The following SIDT1 variants were observed in gnomAD, a reference collection of about 807,000 sequenced individuals.
SIDT1 encodes the protein SID1 transmembrane family, member 1.
Under a neutral mutation model 107.5 loss-of-function variants are expected in SIDT1, and 101 were observed. The ratio of observed to expected loss-of-function variants is 0.94; its 90% CI spans 0.80 to 1.11. The LOEUF is 1.11. SIDT1 is among the 50% of genes least tolerant of loss of function. SIDT1 has a pLI of 0.00. For synonymous variants in SIDT1, 395 were observed against 398.2 expected, an observed-to-expected ratio of 0.99 and a Z score of 0.10; for missense variants, 1,076 against 1,058.2, an observed-to-expected ratio of 1.02 and a Z score of -0.23.
In SIDT1 at chr3:113,627,081, G is replaced by A. The variant is rs185649405; in HGVS notation, c.2422-565G>A. 4.6e-3 allele frequency among the ~76,000 whole-genome samples: 699 copies of A among 152,288 alleles called. 3 individuals are homozygous for A. Among genetic ancestry groups the A allele is most frequent in the African/African-American group, 0.014 (584 of 41,546 alleles). ...GCAAAAGTGGAACTAAAGATTCCAC[G>A]TGGGGCAGTAGTAGTCAAATGAACT... is the stretch of plus-strand genomic sequence containing the variant. On this transcript the variant is annotated intron_variant, in intron 24 of 24. Transcript: ENST00000264852.
intron 9 of SIDT1, among the ~76,000 whole-genome samples, chr3:113,587,253 G>A (rs1279788683): frequency 6.6e-6 from 1 of 152,074 alleles, no homozygotes; most frequent in East Asian, 1.9e-4. Flanking sequence ...AGGTGAGAAT[G>A]ATAAAAGCAA....
At chr3:113,543,319 A>C (rs1939162255) in intron 1 of SIDT1, among the ~76,000 whole-genome samples, 1 of 152,022 alleles carries the variant, frequency 6.6e-6, no homozygotes, top group Middle Eastern at 3.2e-3. Flanking sequence ...CCTTACACTT[A>C]CCCAAAAATT....
intron 1 of SIDT1, among the ~76,000 whole-genome samples, chr3:113,545,821 C>T (rs1019401845): frequency 6.6e-6 from 1 of 152,134 alleles, no homozygotes; most frequent in African/African-American, 2.4e-5. Flanking sequence ...CTCCTGAGTG[C>T]CTGATTTTAG....
At chr3:113,574,174 A>G (rs1942711143) in intron 3 of SIDT1, among the ~76,000 whole-genome samples, 2 of 152,192 alleles carry the variant, frequency 1.3e-5, no homozygotes, top group Non-Finnish European at 2.9e-5. Flanking sequence ...TTCATAGGAG[A>G]GTTGGATATT....
chr3:113,556,821 C>CTTTTTTTTT lies in SIDT1; in HGVS notation c.223-9591_223-9583dup, dbSNP rs61672960. 4.8e-3 allele frequency among the ~76,000 whole-genome samples: 519 copies of CTTTTTTTTT among 107,584 alleles called. 36 individuals carry two copies. The highest frequency in any genetic ancestry group is 0.014 in the African/African-American group (408 of 29,350). The allele number at this position is 107,584 out of a possible 152,430, so 70.6% of individuals were successfully genotyped here. ...ATTGGTATGCCCTAAGTTTCTTTTTCTTTTTTTTTTTTTTTTGAAATAGAG... is the reference window on the plus strand; with the variant it reads ...ATTGGTATGCCCTAAGTTTCTTTTTCTTTTTTTTTTTTTTTTTTTTTTTTTGAAATAGAG... On this transcript the variant is annotated intron_variant, in intron 1 of 24. Transcript: ENST00000264852.
At chr3:113,625,079 T>C (rs1324612340) in intron 23 of SIDT1, among the ~76,000 whole-genome samples, 5 of 150,626 alleles carry the variant, frequency 3.3e-5, no homozygotes, top group Non-Finnish European at 7.4e-5. Context: ...CTTTTGGATA[T>C]ATATCAAGTA....
chr3:113,627,918 C>A lies in SIDT1; in HGVS notation c.*210C>A. 1 of 579,164 alleles carries A rather than the reference C, an allele frequency of 1.7e-6. No individual in the cohort carries two copies. Among genetic ancestry groups the A allele is most frequent in the East Asian group, 2.9e-5 (1 of 34,540 alleles). The allele number at this position is 579,164 out of a possible 1,614,324, so 35.9% of individuals were successfully genotyped here. A position where few individuals can be genotyped will look rare whatever the true frequency, so the allele number is the denominator to read the frequency against. ...GGGAGCCATGTTTTGAGGACAGACG[C>A]AAACCTGAGGAGCTGAGAAACACTT... is the stretch of plus-strand genomic sequence containing the variant. On this transcript the variant is annotated 3_prime_UTR_variant, in exon 25 of 25. Coordinates refer to ENST00000264852, the MANE Select transcript of SIDT1 (RefSeq NM_017699.3).
chr3:113,534,045 T>C (rs778228282), intron 1 of SIDT1, among the ~76,000 whole-genome samples: 4 of 152,094 alleles, frequency 2.6e-5, no homozygotes, highest in Non-Finnish European at 5.9e-5. Flanking sequence ...GTGGTACCTC[T>C]GGAGCACTGG....
chr3:113,608,550 A>G lies in SIDT1; in HGVS notation c.1720+14A>G, dbSNP rs1230025042. The G allele has an allele frequency of 2.6e-6, 4 of 1,510,512 alleles. No individual in the cohort carries two copies. The highest frequency in any genetic ancestry group is 3.7e-6 in the Non-Finnish European group (4 of 1,085,790). 93.6% of individuals were successfully genotyped at this position (1,510,512 alleles called of 1,614,324 possible). ...ACTTCCAATTCGGTAATTAGAACTT[A>G]TATCTACTATACAGATTTGAATCGT... On this transcript the variant is annotated intron_variant, in intron 17 of 24. Coordinates refer to ENST00000264852, the MANE Select transcript of SIDT1 (RefSeq NM_017699.3).
At chr3:113,548,963 G>T (rs1939903908) in intron 1 of SIDT1, among the ~76,000 whole-genome samples, 1 of 152,114 alleles carries the variant, frequency 6.6e-6, no homozygotes, top group Non-Finnish European at 1.5e-5. Context: ...TTCAGGCCCA[G>T]CCAGGACCCT....
intron 1 of SIDT1, among the ~76,000 whole-genome samples, chr3:113,549,807 T>A (rs1560019064): frequency 6.6e-6 from 1 of 152,202 alleles, no homozygotes; most frequent in Non-Finnish European, 1.5e-5. Flanking sequence ...TATAAAAAGC[T>A]GTCACCAAAT....
At position 113,627,228 on chromosome 3, in the gene SIDT1, T is replaced by A. The variant is rs190456042; in HGVS notation, c.2422-418T>A. Among the ~76,000 whole-genome samples, 668 of 152,262 alleles carry A rather than the reference T, an allele frequency of 4.4e-3. 5 individuals carry two copies. Among genetic ancestry groups the A allele is most frequent in the African/African-American group, 0.016 (648 of 41,562 alleles). On this transcript the variant is annotated intron_variant, in intron 24 of 24. Transcript: ENST00000264852. The stretch of plus-strand genomic sequence containing the variant: ...GACTTCCCAGGCCACCCTATCAAAA[T>A]TTTTTACCTCCCCACACCTGATACT...
intron 17 of SIDT1, among the ~76,000 whole-genome samples, chr3:113,609,304 G>A (rs757567299): frequency 1.3e-5 from 2 of 151,908 alleles, no homozygotes; most frequent in African/African-American, 2.4e-5. Context: ...AACCTCAGGC[G>A]ATCCTCCTGC....
At chr3:113,573,551 C>T (rs1193668491) in intron 3 of SIDT1, among the ~76,000 whole-genome samples, 1 of 152,168 alleles carries the variant, frequency 6.6e-6, no homozygotes, top group Non-Finnish European at 1.5e-5. Context: ...TTAGATAGTG[C>T]TATGGTCTCA....
Position 113,628,784 on chromosome 3 carries a change from A to G in SIDT1, c.*1076A>G, listed in dbSNP as rs1287581614. ...CACTTTATGTAGATCAGGGTTCTAGACTTCTTCCCTGAGGTTCTCAGAAGC... is the reference window on the plus strand; with the variant it reads ...CACTTTATGTAGATCAGGGTTCTAGGCTTCTTCCCTGAGGTTCTCAGAAGC... On this transcript the variant is annotated 3_prime_UTR_variant, in exon 25 of 25. Coordinates refer to ENST00000264852, the MANE Select transcript of SIDT1 (RefSeq NM_017699.3). The G allele has an allele frequency of 2.0e-5, 3 of 152,126 alleles. No individual in the cohort carries two copies. The highest frequency in any genetic ancestry group is 4.4e-5 in the Non-Finnish European group (3 of 68,048). The allele number at this position is 152,126 out of a possible 1,614,324, so 9.4% of individuals were successfully genotyped here.
At chr3:113,608,560 T>A (rs1255562879) in intron 17 of SIDT1, 24 bp downstream of exon 17, 10 of 1,489,030 alleles carry the variant, frequency 6.7e-6, no homozygotes, top group Non-Finnish European at 9.4e-6. Context: ...ATATCTACTA[T>A]ACAGATTTGA....
intron 1 of SIDT1, among the ~76,000 whole-genome samples, chr3:113,559,435 A>T (rs916830224): frequency 4.9e-5 from 7 of 143,054 alleles, no homozygotes; most frequent in South Asian, 2.2e-4. Context: ...CTTTTTATTT[A>T]TTTTTTTTTT....
At position 113,570,860 on chromosome 3, in the gene SIDT1, C is replaced by A. The variant is rs532901970; in HGVS notation, c.515+3150C>A. Among the ~76,000 whole-genome samples, 141 of 152,300 alleles carry A rather than the reference C, an allele frequency of 9.3e-4. 6 individuals carry two copies. In the South Asian group the frequency reaches 0.027, roughly 30 times the overall value. On this transcript the variant is annotated intron_variant, in intron 3 of 24. Coordinates refer to ENST00000264852, the MANE Select transcript of SIDT1 (RefSeq NM_017699.3). ...GGAACTTTTTTCCCCTAGAATCATA[C>A]ATTTTAAGAACTGAAGGATCTTTGG...
intron 23 of SIDT1, among the ~76,000 whole-genome samples, chr3:113,625,085 A>G (rs1946751908): frequency 6.6e-6 from 1 of 151,142 alleles, no homozygotes; most frequent in Non-Finnish European, 1.5e-5. Flanking sequence ...GATATATATC[A>G]AGTAGTAGAA....
Sources: gnomAD v4.1 joint callset for allele counts (sites outside exome capture counted in the v4.1 genomes callset) on GRCh38, gnomAD v4.1.1 for gene constraint, MANE v1.5 for transcripts, NCBI Gene and HGNC (gene_info 2026-07-23, HGNC 2026-07-21) for gene names.